The following LRRC7 variants were observed in gnomAD, a reference collection of about 807,000 sequenced individuals.
LRRC7 encodes the protein leucine-rich repeat-containing protein 7.
In LRRC7, 23 loss-of-function variants were observed where a neutral mutation model predicts 175.7. The ratio of observed to expected loss-of-function variants is 0.13; its 90% CI spans 0.09 to 0.19. The LOEUF is 0.19. LRRC7 is among the 10% of genes least tolerant of loss of function. LRRC7 has a pLI of 1.00. For missense variants in LRRC7, 1,354 were observed against 1,904.7 expected, an observed-to-expected ratio of 0.71 and a Z score of 5.38; for synonymous variants, 685 against 680.9, an observed-to-expected ratio of 1.01 and a Z score of -0.09.
chr1:70,044,069 A>G lies in LRRC7; in HGVS notation c.4085A>G (p.Asp1362Gly). ...TLNLQTKSKFDHQELPLQKTP... is the reference protein window; with the variant it reads ...TLNLQTKSKFGHQELPLQKTP... ...AACTTGCAGACTAAGTCTAAATTTG[A>G]TCATCAAGAACTACCTCTTCAGAAA... is the stretch of plus-strand genomic sequence containing the variant. Residue 1362 changes from aspartate (D) to glycine (G), a missense_variant, in exon 22 of 27, where the codon GAT becomes GGT. Around this residue, in one of 4 missense-constraint regions of LRRC7, gnomAD observed 1,032 missense variants for 1,227.2 expected, o/e 0.84. Coordinates refer to ENST00000651989, the MANE Select transcript of LRRC7 (RefSeq NM_001370785.2). The G allele has an allele frequency of 1.2e-6, 2 of 1,613,262 alleles. No homozygotes were observed. Among genetic ancestry groups the G allele is most frequent in the Non-Finnish European group, 1.7e-6 (2 of 1,179,546 alleles).
In LRRC7 at chr1:70,039,025, G is replaced by A; in HGVS notation, c.3201G>A (p.Gln1067=). The A allele has an allele frequency of 6.2e-7, 1 of 1,614,058 alleles. No individual in the cohort carries two copies. ...QKASMTKKVY[Q]FDQSFNPQGS... ...CTTCTATGACAAAAAAAGTCTATCA[G>A]TTTGACCAAAGCTTCAATCCTCAAG... Residue 1067 remains glutamine, a synonymous_variant, in exon 21 of 27, where the codon CAG becomes CAA. Transcript: ENST00000651989.
At chr1:69,965,787 ATTACTATTGGGAGAATGT>A (rs1651605438) in intron 8 of LRRC7, among the ~76,000 whole-genome samples, 2 of 152,182 alleles carry the variant, frequency 1.3e-5, no homozygotes, top group Non-Finnish European at 2.9e-5. Context: ...CATGTAATAC[ATTACTATTGGGAGAATGT>A]ACAAGTAGGG....
At chr1:69,956,342 C>T (rs995208543) in intron 8 of LRRC7, among the ~76,000 whole-genome samples, 1 of 151,828 alleles carries the variant, frequency 6.6e-6, no homozygotes, top group African/African-American at 2.4e-5. Flanking sequence ...CACCCACACT[C>T]ATATATCCCA....
At chr1:69,585,043 A>C (rs899015411) in intron 1 of LRRC7, among the ~76,000 whole-genome samples, 9 of 152,170 alleles carry the variant, frequency 5.9e-5, no homozygotes, top group Non-Finnish European at 1.2e-4. Context: ...TGTTCCATCC[A>C]TGTTCATTGA....
intron 7 of LRRC7, among the ~76,000 whole-genome samples, chr1:69,853,489 G>A (rs560415699): frequency 6.6e-6 from 1 of 152,020 alleles, no homozygotes; most frequent in African/African-American, 2.4e-5. Flanking sequence ...ATGTTGGCCA[G>A]GCTGGTCTCA....
intron 1 of LRRC7, among the ~76,000 whole-genome samples, chr1:69,600,033 C>T (rs1237866233): frequency 6.6e-6 from 1 of 152,060 alleles, no homozygotes; most frequent in Non-Finnish European, 1.5e-5. Flanking sequence ...AGCCACTCCA[C>T]CTCTAGGCTT....
intron 1 of LRRC7, among the ~76,000 whole-genome samples, chr1:69,603,379 G>T (rs1647159709): frequency 6.6e-6 from 1 of 152,134 alleles, no homozygotes. Flanking sequence ...AATGCTAATG[G>T]TGGTTGTGAT....
chr1:69,915,517 T>G (rs1357275408), intron 7 of LRRC7, among the ~76,000 whole-genome samples: 1 of 152,048 alleles, frequency 6.6e-6, no homozygotes, highest in Non-Finnish European at 1.5e-5. Context: ...AAAGAAAAAG[T>G]TCCTTGGTTA....
At chr1:69,618,299 T>C (rs1650008337) in intron 1 of LRRC7, among the ~76,000 whole-genome samples, 1 of 152,170 alleles carries the variant, frequency 6.6e-6, no homozygotes, top group African/African-American at 2.4e-5. Flanking sequence ...CAGAGAGTTA[T>C]ATAAATACCA....
intron 1 of LRRC7, among the ~76,000 whole-genome samples, chr1:69,673,077 T>C (rs1264268450): frequency 6.6e-6 from 1 of 152,210 alleles, no homozygotes; most frequent in Non-Finnish European, 1.5e-5. Context: ...TCCAAGTATA[T>C]ATTTTTTATT....
chr1:70,115,936 G>A (rs552384191), intron 26 of LRRC7, among the ~76,000 whole-genome samples: 22 of 152,262 alleles, frequency 1.4e-4, no homozygotes, highest in Middle Eastern at 6.8e-3. Flanking sequence ...CTGAAAATTA[G>A]GGGTTGATTT....
rs931821089 is a variant in LRRC7 at position 70,124,660 on chromosome 1, T to G, written c.*2773T>G. Among the ~76,000 whole-genome samples, 5 of 152,094 alleles carry G rather than the reference T, an allele frequency of 3.3e-5. No homozygotes were observed. Among genetic ancestry groups the G allele is most frequent in the Non-Finnish European group, 5.9e-5 (4 of 68,010 alleles). On this transcript the variant is annotated 3_prime_UTR_variant, in exon 27 of 27. Transcript: ENST00000651989. ...GTGATGAAAACCAATTATACATTGA[T>G]TTTTGATTATTGACTTTTTGCAGTA...
At chr1:70,023,996 A>G (rs1010176416) in intron 17 of LRRC7, among the ~76,000 whole-genome samples, 1 of 151,952 alleles carries the variant, frequency 6.6e-6, no homozygotes, top group Admixed American at 6.6e-5. Context: ...GGGGGGAAAA[A>G]CATGTCTTAC....
chr1:69,718,654 C>T (rs1042212633), intron 2 of LRRC7, among the ~76,000 whole-genome samples: 1 of 151,716 alleles, frequency 6.6e-6, no homozygotes, highest in African/African-American at 2.4e-5. Context: ...ACAGATAGAA[C>T]TTTTAGGATC....
At chr1:70,076,355 C>A in intron 24 of LRRC7, 57 bp downstream of exon 24, 1 of 1,493,784 alleles carries the variant, frequency 6.7e-7, no homozygotes, top group Non-Finnish European at 9.3e-7. Context: ...TCCAAAGAAT[C>A]CATGGTTGGC....
At chr1:69,628,659 T>A (rs1651991585) in intron 1 of LRRC7, among the ~76,000 whole-genome samples, 1 of 152,086 alleles carries the variant, frequency 6.6e-6, no homozygotes, top group Non-Finnish European at 1.5e-5. Context: ...AACACACGAA[T>A]ACCTAACACA....
chr1:70,076,359 G>A, intron 24 of LRRC7, 61 bp downstream of exon 24: 2 of 1,489,796 alleles, frequency 1.3e-6, no homozygotes, highest in Non-Finnish European at 1.9e-6. Flanking sequence ...AAGAATCCAT[G>A]GTTGGCCTTC....
chr1:69,572,984 CA>C (rs1009862465), intron 1 of LRRC7, among the ~76,000 whole-genome samples: 1 of 151,968 alleles, frequency 6.6e-6, no homozygotes, highest in South Asian at 2.1e-4. Context: ...TTTCCTATCT[CA>C]AAAAAAGTGA....
At chr1:70,113,936 A>C (rs1300806623) in intron 26 of LRRC7, among the ~76,000 whole-genome samples, 1 of 152,186 alleles carries the variant, frequency 6.6e-6, no homozygotes, top group Non-Finnish European at 1.5e-5. Context: ...TGTTTGTTAC[A>C]GAAACAAACT....
Sources: gnomAD v4.1 joint callset for allele counts (sites outside exome capture counted in the v4.1 genomes callset) on GRCh38, gnomAD v4.1.1 for gene constraint, gnomAD v4.1.1 regional missense constraint, MANE v1.5 for transcripts, NCBI Gene and HGNC (gene_info 2026-07-23, HGNC 2026-07-21) for gene names.